Variants in SGPL1 observed in about 807,000 individuals in gnomAD.
The protein encoded by SGPL1 is SP-lyase 1.
In SGPL1, 37 loss-of-function variants were observed where a neutral mutation model predicts 68.9. The observed-to-expected ratio is 0.54, with a 90% confidence interval of 0.41 to 0.71. The LOEUF (loss-of-function observed/expected upper bound fraction) is 0.71, where lower values mean the gene tolerates loss of function less well. Among genes scored for constraint, SGPL1 ranks in the 30% least tolerant of loss-of-function variants. The probability of loss-of-function intolerance (pLI) is 0.00; values close to 1 mark genes in which losing one functional copy is unlikely to be tolerated. For synonymous variants in SGPL1, 236 were observed against 248.5 expected (o/e 0.95, Z 0.47); for missense variants, 551 against 704.6 (o/e 0.78, Z 2.47).
rs35734922 is a variant in SGPL1, at chr10:70,819,627, C to CTTTT, written c.27+2765_27+2768dup. ...TAGTCTTAGAAGTCATGGGATGCAGCTTTTTTTTTTTTTTTTTTTTTGAGA... is the reference window on the plus strand; with the variant it reads ...TAGTCTTAGAAGTCATGGGATGCAGCTTTTTTTTTTTTTTTTTTTTTTTTTGAGA... On this transcript the variant is annotated intron_variant, in intron 2 of 14. Transcript: ENST00000373202. 1.2e-3 allele frequency among the ~76,000 whole-genome samples: 141 copies of CTTTT among 120,880 alleles called. 2 individuals are homozygous for CTTTT. Among genetic ancestry groups the CTTTT allele is most frequent in the African/African-American group, 3.6e-3 (111 of 30,934 alleles). The allele number at this position is 120,880 out of a possible 152,430, so 79.3% of individuals were successfully genotyped here.
rs142411049 is a variant in SGPL1, at chr10:70,831,162, C to T, written c.28-13311C>T. On this transcript the variant is annotated intron_variant, in intron 2 of 14. Coordinates refer to ENST00000373202, the MANE Select transcript of SGPL1 (RefSeq NM_003901.4). The stretch of plus-strand genomic sequence containing the variant: ...ATCAGAATCTGGTAACCCGGAGGGG[C>T]GTCCCAGATAATGCATAATTTTTCA... Among the ~76,000 whole-genome samples the T allele has an allele frequency of 3.5e-3, 526 of 152,226 alleles. 3 individuals carry two copies. Among genetic ancestry groups the T allele is most frequent in the African/African-American group, 0.012 (486 of 41,530 alleles).
chr10:70,830,399 C>A (rs1191685198), intron 2 of SGPL1, among the ~76,000 whole-genome samples: 1 of 152,170 alleles, frequency 6.6e-6, no homozygotes, highest in Non-Finnish European at 1.5e-5. Context: ...CATATAAATA[C>A]AATCATACAG....
chr10:70,862,876 G>A (rs1413626767), intron 7 of SGPL1, among the ~76,000 whole-genome samples: 1 of 152,240 alleles, frequency 6.6e-6, no homozygotes, highest in African/African-American at 2.4e-5. Context: ...CTTGAAGTCA[G>A]TGAGACCAAG....
At chr10:70,871,223 A>G in intron 10 of SGPL1, 77 bp downstream of exon 10, 1 of 962,008 alleles carries the variant, frequency 1.0e-6, no homozygotes, top group Non-Finnish European at 1.6e-6. Flanking sequence ...GTACTTGGCA[A>G]ATAGAAGCGA....
intron 2 of SGPL1, among the ~76,000 whole-genome samples, chr10:70,819,325 T>A (rs927985521): frequency 5.9e-5 from 9 of 152,240 alleles, no homozygotes. Context: ...GTCATCACTT[T>A]CTGAAGACAA....
intron 2 of SGPL1, among the ~76,000 whole-genome samples, chr10:70,838,368 T>C (rs1265418258): frequency 6.6e-6 from 1 of 152,208 alleles, no homozygotes; most frequent in African/African-American, 2.4e-5. Context: ...GGGTGGATAG[T>C]GCTACTATTG....
At chr10:70,862,304 A>G (rs924240093) in intron 7 of SGPL1, among the ~76,000 whole-genome samples, 2 of 152,110 alleles carry the variant, frequency 1.3e-5, no homozygotes, top group African/African-American at 4.8e-5. Context: ...GGGGGCTTGG[A>G]GAACCTTTGT....
At chr10:70,869,555 T>G (rs1846251590) in intron 8 of SGPL1, 2 of 402,908 alleles carry the variant, frequency 5.0e-6, no homozygotes, top group Non-Finnish European at 9.0e-6. Context: ...GGATCACTTC[T>G]GAGTCCTCTT....
Position 70,876,566 on chromosome 10 carries a change from C to T in SGPL1, c.1471C>T (p.His491Tyr). ...TATTCATTTCTGCATCACATTACTA[C>T]ACGCCCGGAAACGAGTAGCTATACA... ...PSIHFCITLL[H>Y]ARKRVAIQFL... Residue 491 changes from histidine (H) to tyrosine (Y), a missense_variant, in exon 14 of 15, where the codon CAC becomes TAC. By Grantham distance (83) the His-to-Tyr change is moderately conservative. Transcript: ENST00000373202. The T allele has an allele frequency of 6.2e-7, 1 of 1,612,828 alleles. No homozygotes were observed. The highest frequency in any genetic ancestry group is 8.5e-7 in the Non-Finnish European group (1 of 1,178,956).
At chr10:70,852,026 G>A (rs1437838435) in intron 4 of SGPL1, among the ~76,000 whole-genome samples, 4 of 152,172 alleles carry the variant, frequency 2.6e-5, no homozygotes, top group African/African-American at 7.2e-5. Flanking sequence ...TCTCCCACAG[G>A]TTATCCCAGA....
At chr10:70,860,355 C>T (rs956227390) in intron 7 of SGPL1, 8 of 462,396 alleles carry the variant, frequency 1.7e-5, no homozygotes, top group South Asian at 6.5e-5. Flanking sequence ...AGGGCCCATT[C>T]GAAGAGCACC....
At chr10:70,857,759 T>C in intron 6 of SGPL1, 69 bp downstream of exon 6, 1 of 1,021,502 alleles carries the variant, frequency 9.8e-7, no homozygotes, top group Admixed American at 2.7e-5. Context: ...TTTTTTTCCC[T>C]TACTTTTGTA....
chr10:70,871,865 A>G lies in SGPL1; in HGVS notation c.938A>G (p.His313Arg). The change falls in exon 11 of 15, where the codon CAT becomes CGT. Residue 313 changes from histidine to arginine, a missense_variant. By Grantham distance (29) the His-to-Arg change is conservative (BLOSUM62 0). Coordinates refer to ENST00000373202, the MANE Select transcript of SGPL1 (RefSeq NM_003901.4). ...KLAVKYKIPLHVDACLGGFLI... is the reference protein window; with the variant it reads ...KLAVKYKIPLRVDACLGGFLI... ...GCTGTCAAATACAAAATACCCCTTCATGTCGACGCTTGTCTGGGAGGCTTC... is the reference window on the plus strand; with the variant it reads ...GCTGTCAAATACAAAATACCCCTTCGTGTCGACGCTTGTCTGGGAGGCTTC... The G allele has an allele frequency of 1.9e-6, 3 of 1,614,044 alleles. No individual in the cohort carries two copies. The highest frequency in any genetic ancestry group is 2.5e-6 in the Non-Finnish European group (3 of 1,179,998).
At chr10:70,874,578 C>T (rs1289324346) in intron 12 of SGPL1, among the ~76,000 whole-genome samples, 1 of 152,074 alleles carries the variant, frequency 6.6e-6, no homozygotes, top group East Asian at 1.9e-4. Context: ...ACAAAATTAG[C>T]CGGGCGTGGT....
Position 70,821,055 on chromosome 10 carries a change from T to C in SGPL1, c.27+4175T>C, listed in dbSNP as rs1021692736. Among the ~76,000 whole-genome samples the C allele has an allele frequency of 7.8e-4, 119 of 152,316 alleles. 1 individual carries two copies. Among genetic ancestry groups the C allele is most frequent in the African/African-American group, 2.8e-3 (115 of 41,568 alleles). ...ACTGACAGGCTCGGGCTATCAGCCC[T>C]CAGTGTGTTCCTGCCCTCAATTTTG... On this transcript the variant is annotated intron_variant, in intron 2 of 14. Coordinates refer to ENST00000373202, the MANE Select transcript of SGPL1 (RefSeq NM_003901.4).
At chr10:70,851,353 T>G in intron 4 of SGPL1, 143 bp downstream of exon 4, 1 of 697,778 alleles carries the variant, frequency 1.4e-6, no homozygotes, top group Non-Finnish European at 2.5e-6. Context: ...TTTGGAGACA[T>G]TTTTGGTGGT....
intron 5 of SGPL1, among the ~76,000 whole-genome samples, chr10:70,855,506 G>T (rs535969324): frequency 6.6e-6 from 1 of 152,330 alleles, no homozygotes; most frequent in East Asian, 1.9e-4. Flanking sequence ...GTATGTCACA[G>T]TTCCTGTATC....
At chr10:70,851,305 T>C (rs1589461438) in intron 4 of SGPL1, 95 bp downstream of exon 4, 1 of 1,090,856 alleles carries the variant, frequency 9.2e-7, no homozygotes, top group East Asian at 2.4e-5. Flanking sequence ...AGTGGAGGGG[T>C]GATTTTGTCT....
chr10:70,876,821 C>G (rs1168414384), intron 14 of SGPL1, among the ~76,000 whole-genome samples, 160 bp downstream of exon 14: 1 of 152,142 alleles, frequency 6.6e-6, no homozygotes, highest in African/African-American at 2.4e-5. Context: ...ATCACCCACC[C>G]CTTAGGGTTG....
Sources: allele counts gnomAD v4.1 joint callset (sites outside exome capture counted in the v4.1 genomes callset), GRCh38; gene constraint gnomAD v4.1.1; transcripts MANE v1.5; gene names NCBI Gene and HGNC (gene_info 2026-07-23, HGNC 2026-07-21).